The following TCF4 variants were observed in gnomAD, a reference collection of about 807,000 sequenced individuals.
TCF4 encodes the protein SL3-3 enhancer factor 2.
A neutral mutation model predicts 82.1 loss-of-function variants in TCF4; 3 were observed. That is an observed-to-expected ratio of 0.04 (90% CI 0.02 to 0.09). The LOEUF is 0.09. Among genes scored for constraint, TCF4 ranks in the 10% least tolerant of loss-of-function variants. The probability of loss-of-function intolerance (pLI) is 1.00; values close to 1 mark genes in which losing one functional copy is unlikely to be tolerated. For synonymous variants in TCF4, 276 were observed against 309.6 expected, an observed-to-expected ratio of 0.89 and a Z score of 1.14; for missense variants, 518 against 852.7, an observed-to-expected ratio of 0.61 and a Z score of 4.89.
At chr18:55,293,990 T>C (rs2065821542) in intron 8 of TCF4, among the ~76,000 whole-genome samples, 1 of 136,774 alleles carries the variant, frequency 7.3e-6, no homozygotes, top group Non-Finnish European at 1.5e-5. Context: ...CCAGGCATTG[T>C]GGTTCACGCC....
intron 3 of TCF4, among the ~76,000 whole-genome samples, chr18:55,505,594 G>C (rs2096747347): frequency 6.6e-6 from 1 of 151,752 alleles, no homozygotes; most frequent in South Asian, 2.1e-4. Context: ...CACGAGGTCA[G>C]GAGATCGAGA....
At chr18:55,275,293 A>C (rs998353431) in intron 10 of TCF4, among the ~76,000 whole-genome samples, 2 of 149,926 alleles carry the variant, frequency 1.3e-5, no homozygotes, top group Non-Finnish European at 1.5e-5. Context: ...AAAAAAAAAA[A>C]AAAAACCAGG....
intron 8 of TCF4, among the ~76,000 whole-genome samples, chr18:55,328,402 C>A (rs1028894821): frequency 6.6e-6 from 1 of 151,784 alleles, no homozygotes; most frequent in African/African-American, 2.4e-5. Context: ...AAATAACAAA[C>A]CCTTATCCTA....
chr18:55,469,275 C>T (rs931919529), intron 3 of TCF4, among the ~76,000 whole-genome samples: 2 of 151,966 alleles, frequency 1.3e-5, no homozygotes, highest in Non-Finnish European at 2.9e-5. Context: ...GCCAGCCTGG[C>T]CAAAATGGTG....
chr18:55,340,109 G>T (rs1184620933), intron 8 of TCF4, among the ~76,000 whole-genome samples: 1 of 152,126 alleles, frequency 6.6e-6, no homozygotes, highest in African/African-American at 2.4e-5. Context: ...GCATCACTTG[G>T]GCAGACCCGT....
At chr18:55,552,750 G>A (rs891114740) in intron 3 of TCF4, among the ~76,000 whole-genome samples, 1 of 152,220 alleles carries the variant, frequency 6.6e-6, no homozygotes, top group Admixed American at 6.5e-5. Context: ...GGACTGAACC[G>A]CAGCCTCCCC....
At chr18:55,243,019 C>G (rs892987765) in intron 15 of TCF4, among the ~76,000 whole-genome samples, 6 of 152,132 alleles carry the variant, frequency 3.9e-5, no homozygotes. Context: ...TGAAGTCATA[C>G]CCGTTTAGGA....
At position 55,538,115 on chromosome 18, in the gene TCF4, T is replaced by C. The variant is rs140555438; in HGVS notation, c.145+47165A>G. On this transcript the variant is annotated intron_variant, in intron 3 of 19. Coordinates refer to ENST00000354452, the MANE Select transcript of TCF4 (RefSeq NM_001083962.2). The stretch of plus-strand genomic sequence containing the variant: ...AAAAGGGCAAAGGTGTCAGGAGTGA[T>C]TTTGTTGCCACTAGCTCATTTGATT... 4.6e-3 allele frequency among the ~76,000 whole-genome samples: 694 copies of C among 151,876 alleles called. 9 individuals carry two copies. Among genetic ancestry groups the C allele is most frequent in the African/African-American group, 0.016 (671 of 41,402 alleles).
At chr18:55,265,612 T>C (rs1211460660) in intron 11 of TCF4, 1 of 152,208 alleles carries the variant, frequency 6.6e-6, no homozygotes, top group Non-Finnish European at 1.5e-5. Context: ...TCTTATGCTC[T>C]GTGCTTGTTC....
In TCF4 at chr18:55,358,245, C is replaced by T. The variant is rs138491863; in HGVS notation, c.370-7242G>A. 6.7e-4 allele frequency among the ~76,000 whole-genome samples: 102 copies of T among 152,350 alleles called. 1 individual carries two copies. The East Asian group carries it at 0.013, about 19-fold the overall frequency. On this transcript the variant is annotated intron_variant, in intron 6 of 19. Transcript: ENST00000354452. ...GCAGAACTAATGCTATTGATCAAAT[C>T]GAGGTCTTAAATAACTACTGTGCTT...
chr18:55,593,419 T>C (rs184303941), upstream of TCF4, among the ~76,000 whole-genome samples: 16 of 152,352 alleles, frequency 1.1e-4, no homozygotes, highest in East Asian at 3.1e-3. Flanking sequence ...ATAATGCTTC[T>C]TTCACAGTAG....
chr18:55,348,912 T>C (rs1358013994), intron 8 of TCF4, among the ~76,000 whole-genome samples: 1 of 152,174 alleles, frequency 6.6e-6, no homozygotes, highest in Non-Finnish European at 1.5e-5. Flanking sequence ...TCAGGCATGT[T>C]TAAAATGTAA....
At chr18:55,450,620 T>C (rs968961832) in intron 5 of TCF4, among the ~76,000 whole-genome samples, 9 of 152,306 alleles carry the variant, frequency 5.9e-5, no homozygotes, top group African/African-American at 1.9e-4. Context: ...GGCAACATTC[T>C]ATACCAAGCG....
chr18:55,510,654 C>A, intron 3 of TCF4: 1 of 1,500,830 alleles, frequency 6.7e-7, no homozygotes, highest in Non-Finnish European at 8.9e-7. Context: ...TTCTAAAATA[C>A]TACTTCGTAA....
intron 5 of TCF4, among the ~76,000 whole-genome samples, chr18:55,438,070 G>A (rs2095365580): frequency 6.6e-6 from 1 of 152,020 alleles, no homozygotes; most frequent in South Asian, 2.1e-4. Context: ...GTGTGGTGGT[G>A]CATGCCTGTA....
chr18:55,602,332 T>C (rs1603625238), intron 2 of TCF4, among the ~76,000 whole-genome samples: 1 of 152,204 alleles, frequency 6.6e-6, no homozygotes, highest in African/African-American at 2.4e-5. Context: ...CGCCCTCAAC[T>C]CTCCTGCCCT....
intron 3 of TCF4, among the ~76,000 whole-genome samples, chr18:55,541,479 T>G (rs1251620673): frequency 6.6e-6 from 1 of 152,026 alleles, no homozygotes; most frequent in African/African-American, 2.4e-5. Flanking sequence ...TTAATAAAAA[T>G]CATGTTGATG....
chr18:55,627,486 G>T (rs953729857), intron 2 of TCF4, among the ~76,000 whole-genome samples: 2 of 152,192 alleles, frequency 1.3e-5, no homozygotes, highest in Non-Finnish European at 2.9e-5. Context: ...TTCATAGGCT[G>T]GGCGCAGTGG....
At chr18:55,403,925 G>A in intron 5 of TCF4, 1 of 1,394,054 alleles carries the variant, frequency 7.2e-7, no homozygotes, top group Non-Finnish European at 9.3e-7. Context: ...TTAATAGTGA[G>A]GCCAAAACTA....
Sources: allele counts gnomAD v4.1 joint callset (sites outside exome capture counted in the v4.1 genomes callset), GRCh38; gene constraint gnomAD v4.1.1; transcripts MANE v1.5; gene names NCBI Gene and HGNC (gene_info 2026-07-23, HGNC 2026-07-21).